The following FRMD4A variants were observed in gnomAD, a reference collection of about 807,000 sequenced individuals.
FRMD4A encodes FERM domain containing 4A.
Under a neutral mutation model 129.1 loss-of-function variants are expected in FRMD4A, and 29 were observed. That is an observed-to-expected ratio of 0.22 (90% confidence interval 0.17 to 0.31). FRMD4A has a LOEUF of 0.31. Ranked by LOEUF, FRMD4A falls within the 10% of genes least tolerant of loss-of-function variation. The pLI is 1.00. For missense variants in FRMD4A, 1,272 were observed against 1,375.8 expected (o/e 0.92, Z 1.19); for synonymous variants, 634 against 571.6 (o/e 1.11, Z -1.56).
intron 12 of FRMD4A, among the ~76,000 whole-genome samples, chr10:13,718,506 C>T (rs2089094293): frequency 6.6e-6 from 1 of 152,230 alleles, no homozygotes; most frequent in Non-Finnish European, 1.5e-5. Context: ...GATCCTCTTG[C>T]GGGAGCAATT....
intron 2 of FRMD4A, among the ~76,000 whole-genome samples, chr10:14,139,242 T>G (rs1221317647): frequency 6.6e-6 from 1 of 152,180 alleles, no homozygotes; most frequent in Admixed American, 6.5e-5. Flanking sequence ...AGAGATATAA[T>G]GGCTATGAAA....
chr10:13,972,362 G>A (rs1226389163), intron 2 of FRMD4A: 10 of 975,818 alleles, frequency 1.0e-5, no homozygotes, highest in Non-Finnish European at 2.4e-6. Context: ...TAGCAGCACT[G>A]GAGAAATTGC....
intron 2 of FRMD4A, among the ~76,000 whole-genome samples, chr10:14,319,502 C>T (rs1846892736): frequency 6.6e-6 from 1 of 152,176 alleles, no homozygotes; most frequent in Non-Finnish European, 1.5e-5. Flanking sequence ...AATGGAACTG[C>T]ATTTAACCTG....
At chr10:14,003,343 A>T (rs1462113078) in intron 2 of FRMD4A, among the ~76,000 whole-genome samples, 1 of 152,146 alleles carries the variant, frequency 6.6e-6, no homozygotes, top group African/African-American at 2.4e-5. Flanking sequence ...GAGAAGCAGG[A>T]TTATTAGGAG....
At chr10:13,945,377 T>G (rs1426252400) in intron 2 of FRMD4A, among the ~76,000 whole-genome samples, 2 of 152,180 alleles carry the variant, frequency 1.3e-5, no homozygotes, top group African/African-American at 2.4e-5. Context: ...ATAGGTTTCT[T>G]TCTTCTCTTT....
intron 2 of FRMD4A, among the ~76,000 whole-genome samples, chr10:14,262,585 C>T (rs1278485660): frequency 6.6e-6 from 1 of 152,214 alleles, no homozygotes; most frequent in Non-Finnish European, 1.5e-5. Flanking sequence ...GCGCTCACCT[C>T]ATTCTCCTGA....
Position 13,821,930 on chromosome 10 carries a change from G to GC in FRMD4A, c.112-11023dup, listed in dbSNP as rs1371921220. Among the ~76,000 whole-genome samples the GC allele has an allele frequency of 6.6e-6, 1 of 152,108 alleles. No individual in the cohort carries two copies. Among genetic ancestry groups the GC allele is most frequent in the Non-Finnish European group, 1.5e-5 (1 of 68,022 alleles). On this transcript the variant is annotated intron_variant, in intron 3 of 24. Transcript: ENST00000357447. This position sits in a 1 kb window ranked among gnomAD's most constrained non-coding sequence, Gnocchi z 4.3. Reference sequence around the variant, plus strand: ...AGTGCCCGCCACACCTCCATCCTTTGCCCCCGCTAATGTTACACTTAGGGG... The same window carrying GC: ...AGTGCCCGCCACACCTCCATCCTTTGCCCCCCGCTAATGTTACACTTAGGGG...
At chr10:13,826,509 A>G (rs2093703299) in intron 3 of FRMD4A, among the ~76,000 whole-genome samples, 1 of 152,140 alleles carries the variant, frequency 6.6e-6, no homozygotes, top group Admixed American at 6.5e-5. Context: ...TTTATTGGCC[A>G]GAAGAAAAAG....
chr10:13,901,644 G>C (rs1460644353), intron 2 of FRMD4A, among the ~76,000 whole-genome samples: 1 of 151,598 alleles, frequency 6.6e-6, no homozygotes, highest in East Asian at 1.9e-4. Context: ...AAGATTTTCA[G>C]CAAATATTCC....
intron 5 of FRMD4A, among the ~76,000 whole-genome samples, chr10:13,792,803 C>T (rs914921511): frequency 2.0e-5 from 3 of 152,092 alleles, no homozygotes; most frequent in Non-Finnish European, 1.5e-5. Flanking sequence ...AATGATGGGT[C>T]AATGAAGGCA....
intron 5 of FRMD4A, among the ~76,000 whole-genome samples, chr10:13,786,421 A>G (rs759472314): frequency 6.6e-6 from 1 of 152,204 alleles, no homozygotes; most frequent in Non-Finnish European, 1.5e-5. Flanking sequence ...CCTGGCCAAC[A>G]TGGTGAAAGC....
chr10:14,328,477 A>G (rs1388151125), intron 2 of FRMD4A, among the ~76,000 whole-genome samples: 1 of 151,856 alleles, frequency 6.6e-6, no homozygotes, highest in Non-Finnish European at 1.5e-5. Context: ...TCTTTCTTCT[A>G]AGTATAGAAG....
intron 2 of FRMD4A, among the ~76,000 whole-genome samples, chr10:14,013,213 T>A (rs1301521919): frequency 1.3e-5 from 2 of 152,194 alleles, no homozygotes; most frequent in Non-Finnish European, 2.9e-5. Flanking sequence ...ACATTGTAAA[T>A]ATCTGTCCTA....
intron 2 of FRMD4A, among the ~76,000 whole-genome samples, chr10:14,002,280 G>A (rs1022201164): frequency 3.3e-5 from 5 of 152,184 alleles, no homozygotes; most frequent in African/African-American, 1.2e-4. Flanking sequence ...ACTTTGTGAA[G>A]AGATCTATGA....
At chr10:14,021,369 T>C (rs969818188) in intron 2 of FRMD4A, among the ~76,000 whole-genome samples, 9 of 148,046 alleles carry the variant, frequency 6.1e-5, no homozygotes, top group African/African-American at 2.3e-4. Context: ...TAACAAGACC[T>C]CATCTCCACA....
rs113885122 is a variant in FRMD4A, at chr10:14,078,540, C to G, written c.46-219628G>C. Among the ~76,000 whole-genome samples, 1,513 of 152,360 alleles carry G rather than the reference C, an allele frequency of 9.9e-3. 8 individuals carry two copies. The highest frequency in any genetic ancestry group is 0.016 in the Non-Finnish European group (1,104 of 68,040). On this transcript the variant is annotated intron_variant, in intron 2 of 24. Coordinates refer to ENST00000357447, the MANE Select transcript of FRMD4A (RefSeq NM_018027.5). ...CCAGCATGGAACCTGTCTCTCTCAACAGTAAGTTACTGAGCACCTACTACG... is the reference window on the plus strand; with the variant it reads ...CCAGCATGGAACCTGTCTCTCTCAAGAGTAAGTTACTGAGCACCTACTACG...
At chr10:13,701,149 T>A (rs1490748901) in intron 14 of FRMD4A, among the ~76,000 whole-genome samples, 191 bp downstream of exon 14, 2 of 152,056 alleles carry the variant, frequency 1.3e-5, no homozygotes, top group South Asian at 2.1e-4. Flanking sequence ...TGGACCAAGA[T>A]GCATGGAATG....
chr10:14,272,411 A>G (rs1360263210), intron 2 of FRMD4A, among the ~76,000 whole-genome samples: 1 of 152,186 alleles, frequency 6.6e-6, no homozygotes, highest in African/African-American at 2.4e-5. Context: ...CCAATCTATG[A>G]CCGTCATCCC....
chr10:14,003,399 A>C (rs1196504631), intron 2 of FRMD4A: 2 of 152,294 alleles, frequency 1.3e-5, no homozygotes, highest in Non-Finnish European at 2.9e-5. Context: ...AGGTGTTGAG[A>C]TGTTCAAGAG....
Sources: allele counts gnomAD v4.1 joint callset (sites outside exome capture counted in the v4.1 genomes callset), GRCh38; gene constraint gnomAD v4.1.1; non-coding constraint Gnocchi (gnomAD v3.1); transcripts MANE v1.5; gene names NCBI Gene and HGNC (gene_info 2026-07-23, HGNC 2026-07-21).